The following VPS39 variants were observed in gnomAD, a reference collection of about 807,000 sequenced individuals.
VPS39 encodes the protein VPS39 subunit of HOPS complex.
A neutral mutation model predicts 121.0 loss-of-function variants in VPS39; 70 were observed. The ratio of observed to expected loss-of-function variants is 0.58; its 90% CI spans 0.48 to 0.71. The LOEUF (loss-of-function observed/expected upper bound fraction) is 0.71, where lower values mean the gene tolerates loss of function less well. Ranked by LOEUF, VPS39 falls within the 30% of genes least tolerant of loss-of-function variation. The probability of loss-of-function intolerance (pLI) is 0.00; values close to 1 mark genes in which losing one functional copy is unlikely to be tolerated. For synonymous variants in VPS39, 378 were observed against 398.1 expected, an observed-to-expected ratio of 0.95 and a Z score of 0.60; for missense variants, 818 against 1,051.5, an observed-to-expected ratio of 0.78 and a Z score of 3.07.
At chr15:42,195,324 C>T (rs767642329) in intron 2 of VPS39, among the ~76,000 whole-genome samples, 10 of 152,118 alleles carry the variant, frequency 6.6e-5, no homozygotes, top group African/African-American at 9.7e-5. Flanking sequence ...TCTGTAGTCC[C>T]GGAACTTTGG....
intron 7 of VPS39, among the ~76,000 whole-genome samples, chr15:42,184,954 C>T (rs1260160273): frequency 1.3e-5 from 2 of 152,240 alleles, no homozygotes; most frequent in Non-Finnish European, 2.9e-5. Context: ...CTAGAACTCA[C>T]ATTCACTGCT....
At chr15:42,184,831 G>T in intron 7 of VPS39, 131 bp from the exon 8 acceptor site, 2 of 887,216 alleles carry the variant, frequency 2.3e-6, no homozygotes, top group Non-Finnish European at 3.4e-6. Context: ...AAATGTTACA[G>T]AGTTTATTAT....
chr15:42,178,198 T>G lies in VPS39; in HGVS notation c.960+20A>C. 1.9e-6 allele frequency: 3 copies of G among 1,613,772 alleles called. No individual in the cohort carries two copies. The highest frequency in any genetic ancestry group is 2.7e-5 in the African/African-American group (2 of 75,000). On this transcript the variant is annotated intron_variant, in intron 10 of 24. Transcript: ENST00000318006. ...TTCAAGAACAATAAGGAAGGAAGACTAGTCAGGAACAAGACTTACTGCGAG... is the reference window on the plus strand; with the variant it reads ...TTCAAGAACAATAAGGAAGGAAGACGAGTCAGGAACAAGACTTACTGCGAG...
At chr15:42,196,541 T>C (rs981292021) in intron 2 of VPS39, among the ~76,000 whole-genome samples, 9 of 152,148 alleles carry the variant, frequency 5.9e-5, no homozygotes, top group African/African-American at 2.2e-4. Flanking sequence ...AGAAGACATT[T>C]ATGCAGCCAA....
Position 42,203,392 on chromosome 15 carries a change from T to C in VPS39, c.74-3431A>G, listed in dbSNP as rs149665690. Among the ~76,000 whole-genome samples the C allele has an allele frequency of 3.7e-3, 558 of 151,766 alleles. 1 individual carries two copies. Among genetic ancestry groups the C allele is most frequent in the African/African-American group, 0.013 (527 of 41,306 alleles). ...AGGAGACTGAGGCAAGAGAACTGCA[T>C]GAACCCCGGAGGGAGAGGCTGCAGT... is the stretch of plus-strand genomic sequence containing the variant. On this transcript the variant is annotated intron_variant, in intron 1 of 24. Transcript: ENST00000318006.
intron 8 of VPS39, among the ~76,000 whole-genome samples, chr15:42,182,379 A>G (rs1401913963): frequency 6.6e-6 from 1 of 152,268 alleles, no homozygotes; most frequent in Non-Finnish European, 1.5e-5. Flanking sequence ...AAGGTAATCT[A>G]TAACAGAAAC....
intron 11 of VPS39, among the ~76,000 whole-genome samples, chr15:42,172,813 A>G (rs973854106): frequency 2.0e-5 from 3 of 152,206 alleles, no homozygotes; most frequent in African/African-American, 7.2e-5. Context: ...TTACCCTAAT[A>G]TTCCAATAAA....
chr15:42,186,728 G>A (rs1247418023), intron 7 of VPS39, among the ~76,000 whole-genome samples: 2 of 152,212 alleles, frequency 1.3e-5, no homozygotes, highest in African/African-American at 4.8e-5. Flanking sequence ...AGTTGGCAGT[G>A]ACTATTTCTG....
At chr15:42,163,597 T>C in intron 20 of VPS39, 29 bp downstream of exon 20, 1 of 1,596,200 alleles carries the variant, frequency 6.3e-7, no homozygotes. Flanking sequence ...TTAGACTGCT[T>C]AGGAGGTGGG....
At chr15:42,198,296 T>C (rs566316151) in intron 2 of VPS39, among the ~76,000 whole-genome samples, 2 of 152,364 alleles carry the variant, frequency 1.3e-5, no homozygotes, top group East Asian at 3.9e-4. Context: ...GTGAGCTTAA[T>C]TTTAAAATTA....
intron 10 of VPS39, among the ~76,000 whole-genome samples, chr15:42,175,974 A>G (rs967848606): frequency 6.6e-6 from 1 of 152,198 alleles, no homozygotes; most frequent in African/African-American, 2.4e-5. Context: ...ACTTGGCTCC[A>G]GGACTTATCA....
chr15:42,163,510 C>T lies in VPS39; in HGVS notation c.2130-115G>A, dbSNP rs761197486. On this transcript the variant is annotated intron_variant, in intron 20 of 24. Transcript: ENST00000318006. ...CCACAGCCAAAACTGCGGGCCAGGA[C>T]GGAGGCGATTCTTGCTCCCGCAGTG... 1.6e-5 allele frequency: 25 copies of T among 1,539,052 alleles called. No individual in the cohort carries two copies. In the Admixed American group the frequency reaches 1.7e-4, roughly 11 times the overall value.
chr15:42,160,809 T>C lies in VPS39; in HGVS notation c.2573A>G (p.Asn858Ser), dbSNP rs370543713. Reference sequence around the variant, plus strand: ...ACAGAAGTAATGGACGACCACTCCATTGGGGTATCTTGCAAATGCACTGCA... The same window carrying C: ...ACAGAAGTAATGGACGACCACTCCACTGGGGTATCTTGCAAATGCACTGCA... The part of the protein sequence containing the change: ...IGNSAFARYP[N>S]GVVVHYFCSK... Residue 858 changes from asparagine (N) to serine (S), a missense_variant, in exon 25 of 25, where the codon AAT becomes AGT. Transcript: ENST00000318006. 144 of 1,613,892 alleles carry C rather than the reference T, an allele frequency of 8.9e-5. No homozygotes were observed. The highest frequency in any genetic ancestry group is 1.1e-4 in the Non-Finnish European group (133 of 1,179,956).
intron 2 of VPS39, 111 bp downstream of exon 2, chr15:42,199,785 C>T (rs948758397): frequency 2.8e-5 from 33 of 1,185,860 alleles, no homozygotes; most frequent in Non-Finnish European, 3.5e-5. Context: ...TCCCACCGTG[C>T]TCCCTCTAAC....
At chr15:42,166,032 C>T in intron 16 of VPS39, 127 bp downstream of exon 16, 1 of 1,095,250 alleles carries the variant, frequency 9.1e-7, no homozygotes, top group Non-Finnish European at 1.4e-6. Context: ...GCTTCCCAGT[C>T]CACCCTTTCT....
At chr15:42,181,996 G>A (rs1454947243) in intron 8 of VPS39, among the ~76,000 whole-genome samples, 1 of 152,214 alleles carries the variant, frequency 6.6e-6, no homozygotes, top group East Asian at 1.9e-4. Context: ...TTACAGGCAT[G>A]AGTCGCTGCA....
chr15:42,193,968 A>G lies in VPS39; in HGVS notation c.140-2408T>C, dbSNP rs1159091680. Among the ~76,000 whole-genome samples the G allele has an allele frequency of 2.0e-5, 3 of 152,186 alleles. No homozygotes were observed. The East Asian group carries it at 5.8e-4, about 29-fold the overall frequency. ...AGTAGCCAGTTTAGCTCGTAACTCA[A>G]TCACATAAGCATTTTTCCCTTGAGA... On this transcript the variant is annotated intron_variant, in intron 2 of 24. Coordinates refer to ENST00000318006, the MANE Select transcript of VPS39 (RefSeq NM_015289.5).
intron 7 of VPS39, among the ~76,000 whole-genome samples, chr15:42,186,373 G>A (rs1000358329): frequency 1.3e-5 from 2 of 152,066 alleles, no homozygotes; most frequent in South Asian, 4.1e-4. Context: ...CCCAGGAGAC[G>A]GAGGCTGCAG....
intron 5 of VPS39, among the ~76,000 whole-genome samples, 200 bp downstream of exon 5, chr15:42,188,914 C>T (rs1183293930): frequency 1.3e-5 from 2 of 151,462 alleles, no homozygotes; most frequent in African/African-American, 2.4e-5. Context: ...TGCAGTGAGC[C>T]GAGATCGTGC....
Sources: allele counts gnomAD v4.1 joint callset (sites outside exome capture counted in the v4.1 genomes callset), GRCh38; gene constraint gnomAD v4.1.1; transcripts MANE v1.5; gene names NCBI Gene and HGNC (gene_info 2026-07-23, HGNC 2026-07-21).